UNC13C: variants seen among roughly 807,000 people sequenced by gnomAD.
UNC13C encodes the protein unc-13 homolog C, also known as protein unc-13 homolog C.
A neutral mutation model predicts 245.4 loss-of-function variants in UNC13C; 174 were observed. The observed-to-expected ratio is 0.71, with a 90% CI of 0.63 to 0.80. The LOEUF is 0.80. Ranked by LOEUF, UNC13C falls within the 30% of genes least tolerant of loss-of-function variation. The probability of loss-of-function intolerance (pLI) is 0.00; values close to 1 mark genes in which losing one functional copy is unlikely to be tolerated. For missense variants in UNC13C, 2,829 were observed against 2,602.9 expected, an observed-to-expected ratio of 1.09 and a Z score of -1.89; for synonymous variants, 992 against 895.1, an observed-to-expected ratio of 1.11 and a Z score of -1.93.
intron 17 of UNC13C, among the ~76,000 whole-genome samples, chr15:54,340,875 G>T (rs1395777468): frequency 9.9e-5 from 15 of 151,992 alleles, no homozygotes; most frequent in Admixed American, 9.8e-4. Flanking sequence ...ATTGCTTTTG[G>T]CAGTATGGTC....
rs533993643 is a variant in UNC13C, at chr15:54,177,906, C to T, written c.3071+34222C>T. 9.1e-4 allele frequency among the ~76,000 whole-genome samples: 139 copies of T among 151,976 alleles called. 1 individual carries two copies. Among genetic ancestry groups the T allele is most frequent in the Non-Finnish European group, 1.3e-3 (88 of 67,954 alleles). ...TAGGCAGTATTATTAAACATTTTTTCTCATTTTTTTCTCTCTCTTTCTATT... is the reference window on the plus strand; with the variant it reads ...TAGGCAGTATTATTAAACATTTTTTTTCATTTTTTTCTCTCTCTTTCTATT... On this transcript the variant is annotated intron_variant, in intron 4 of 32. Coordinates refer to ENST00000260323, the MANE Select transcript of UNC13C (RefSeq NM_001080534.3).
At chr15:54,182,287 A>G (rs1381282359) in intron 4 of UNC13C, among the ~76,000 whole-genome samples, 1 of 152,074 alleles carries the variant, frequency 6.6e-6, no homozygotes, top group African/African-American at 2.4e-5. Flanking sequence ...ATCTATTGAG[A>G]CGATCATATG....
At chr15:54,500,738 G>T in intron 21 of UNC13C, 97 bp from the exon 22 acceptor site, 1 of 948,298 alleles carries the variant, frequency 1.1e-6, no homozygotes. Context: ...GTAAATATGT[G>T]ATACGGGAGA....
the UNC13C span, among the ~76,000 whole-genome samples, chr15:53,971,227 G>A: frequency 3.9e-5 from 6 of 152,170 alleles, no homozygotes; most frequent in Non-Finnish European, 7.4e-5. Context: ...AAATAATGTT[G>A]AGAAAACTGG....
intron 4 of UNC13C, among the ~76,000 whole-genome samples, chr15:54,222,104 A>T (rs2035244707): frequency 6.6e-6 from 1 of 152,106 alleles, no homozygotes; most frequent in Non-Finnish European, 1.5e-5. Context: ...TGTGTTACAA[A>T]CAATTCGATC....
intron 12 of UNC13C, 57 bp downstream of exon 12, chr15:54,297,983 T>C: frequency 8.5e-7 from 1 of 1,181,994 alleles, no homozygotes; most frequent in Non-Finnish European, 1.2e-6. Flanking sequence ...GATTATGGAT[T>C]ATAAAACAGA....
At chr15:53,988,458 C>A (rs1419044781) in intron 1 of UNC13C, among the ~76,000 whole-genome samples, 1 of 151,652 alleles carries the variant, frequency 6.6e-6, no homozygotes, top group Non-Finnish European at 1.5e-5. Flanking sequence ...TTTAAGAAGC[C>A]TTTGGGTACT....
At chr15:54,238,882 G>A (rs1030719821) in intron 7 of UNC13C, among the ~76,000 whole-genome samples, 4 of 152,108 alleles carry the variant, frequency 2.6e-5, no homozygotes, top group African/African-American at 4.8e-5. Context: ...ACTCTTGAGG[G>A]AGCTTTAAAA....
At chr15:54,394,023 T>C (rs2040018622) in intron 18 of UNC13C, among the ~76,000 whole-genome samples, 1 of 151,880 alleles carries the variant, frequency 6.6e-6, no homozygotes, top group South Asian at 2.1e-4. Context: ...GTAGCAAAGA[T>C]AGCAGAAATA....
chr15:54,549,998 C>T (rs898854395), intron 28 of UNC13C, among the ~76,000 whole-genome samples: 7 of 152,032 alleles, frequency 4.6e-5, no homozygotes, highest in Admixed American at 1.3e-4. Context: ...AAACACAGTA[C>T]GGGAAAATGA....
chr15:54,449,479 T>C (rs1328984289), intron 19 of UNC13C, among the ~76,000 whole-genome samples: 1 of 152,206 alleles, frequency 6.6e-6, no homozygotes, highest in African/African-American at 2.4e-5. Flanking sequence ...TGTTTCGTTT[T>C]CTTCTTTTTT....
chr15:54,070,746 A>G (rs1898284171), intron 2 of UNC13C, among the ~76,000 whole-genome samples: 1 of 152,114 alleles, frequency 6.6e-6, no homozygotes, highest in African/African-American at 2.4e-5. Context: ...GGCTTCCTTC[A>G]TCTACATTTC....
intron 2 of UNC13C, among the ~76,000 whole-genome samples, chr15:54,029,818 A>T (rs1896279779): frequency 6.6e-6 from 1 of 152,154 alleles, no homozygotes; most frequent in Admixed American, 6.5e-5. Flanking sequence ...TTTCAGCTGC[A>T]GCTCCGGTGG....
At chr15:53,898,196 AC>A in the UNC13C span, among the ~76,000 whole-genome samples, 46 of 100,894 alleles carry the variant, frequency 4.6e-4, 1 homozygote, top group Non-Finnish European at 9.7e-4. Flanking sequence ...GACCACCACA[AC>A]CACCACCACC....
chr15:53,921,983 G>T, the UNC13C span, among the ~76,000 whole-genome samples: 1 of 152,164 alleles, frequency 6.6e-6, no homozygotes, highest in Non-Finnish European at 1.5e-5. Flanking sequence ...TTGTGACTAG[G>T]ATTTCAAAAG....
chr15:54,027,408 G>A (rs754752137), intron 2 of UNC13C, among the ~76,000 whole-genome samples: 122 of 152,020 alleles, frequency 8.0e-4, no homozygotes, highest in Non-Finnish European at 1.3e-3. Flanking sequence ...TCGCTCTGTC[G>A]CCCAGGGTGG....
At chr15:54,394,077 A>T (rs546845217) in intron 18 of UNC13C, among the ~76,000 whole-genome samples, 1 of 151,938 alleles carries the variant, frequency 6.6e-6, no homozygotes, top group Non-Finnish European at 1.5e-5. Flanking sequence ...CAGACTTACT[A>T]TGGATAAATG....
intron 30 of UNC13C, among the ~76,000 whole-genome samples, chr15:54,583,765 T>A (rs2141243318): frequency 6.6e-6 from 1 of 152,316 alleles, no homozygotes; most frequent in East Asian, 1.9e-4. Context: ...CCCTGAGTGG[T>A]TGTTTGTAAT....
intron 4 of UNC13C, among the ~76,000 whole-genome samples, chr15:54,193,283 C>T (rs1173581996): frequency 6.6e-6 from 1 of 152,150 alleles, no homozygotes; most frequent in Non-Finnish European, 1.5e-5. Context: ...CTACTGGTCA[C>T]TTATGACCAT....
Sources: gnomAD v4.1 joint callset for allele counts (sites outside exome capture counted in the v4.1 genomes callset) on GRCh38, gnomAD v4.1.1 for gene constraint, MANE v1.5 for transcripts, NCBI Gene and HGNC (gene_info 2026-07-23, HGNC 2026-07-21) for gene names.